Variants in PTPRE observed in about 807,000 individuals in gnomAD.
PTPRE encodes the protein receptor-type tyrosine-protein phosphatase epsilon.
In PTPRE, 51 loss-of-function variants were observed where a neutral mutation model predicts 102.0. The ratio of observed to expected loss-of-function variants is 0.50; its 90% confidence interval spans 0.40 to 0.63. The LOEUF (loss-of-function observed/expected upper bound fraction) is 0.63, where lower values mean the gene tolerates loss of function less well. PTPRE is among the 30% of genes least tolerant of loss of function. PTPRE has a pLI of 0.00. For missense variants in PTPRE, 752 were observed against 915.1 expected, an observed-to-expected ratio of 0.82 and a Z score of 2.30; for synonymous variants, 345 against 348.2, an observed-to-expected ratio of 0.99 and a Z score of 0.10.
intron 3 of PTPRE, among the ~76,000 whole-genome samples, chr10:128,046,836 A>C (rs1564922730): frequency 6.6e-6 from 1 of 152,162 alleles, no homozygotes; most frequent in South Asian, 2.1e-4. Flanking sequence ...AGGACACAGT[A>C]AGAGGCCGGT....
At chr10:128,066,000 T>A in intron 10 of PTPRE, 75 bp from the exon 11 acceptor site, 1 of 1,606,004 alleles carries the variant, frequency 6.2e-7, no homozygotes, top group Non-Finnish European at 8.5e-7. Context: ...TGAGGCCTTC[T>A]GTAGTTGGGT....
chr10:128,060,070 A>G (rs1395184008), intron 7 of PTPRE, among the ~76,000 whole-genome samples: 1 of 116,554 alleles, frequency 8.6e-6, no homozygotes, highest in Non-Finnish European at 1.7e-5. Flanking sequence ...CACCACACAC[A>G]TACCACACAC....
chr10:128,047,421 G>A lies in PTPRE; in HGVS notation c.141G>A (p.Leu47=). Residue 47 remains leucine (L), a synonymous_variant, in exon 4 of 21, where the codon CTG becomes CTA. Transcript: ENST00000254667. ...CGGACCCGGGCGCCTCCCAGCCGCT[G>A]CTGGCCTGGCTGCTACTGCCGCTGC... ...GPPDPGASQP[L]LAWLLLPLLL... The A allele has an allele frequency of 6.2e-7, 1 of 1,613,038 alleles. No homozygotes were observed. The highest frequency in any genetic ancestry group is 1.1e-5 in the South Asian group (1 of 91,052).
chr10:128,010,561 CT>C (rs777318447), intron 2 of PTPRE, among the ~76,000 whole-genome samples: 1 of 140,174 alleles, frequency 7.1e-6, no homozygotes, highest in Non-Finnish European at 1.5e-5. Context: ...CTTTTCTTTT[CT>C]TTTCTTTTCT....
At chr10:128,067,072 AC>A (rs1422301507) in intron 11 of PTPRE, among the ~76,000 whole-genome samples, 1 of 151,344 alleles carries the variant, frequency 6.6e-6, no homozygotes, top group African/African-American at 2.4e-5. Flanking sequence ...GCACACGTAC[AC>A]CCACACACAG....
chr10:128,061,610 G>A, intron 8 of PTPRE, 69 bp from the exon 9 acceptor site: 3 of 1,528,828 alleles, frequency 2.0e-6, no homozygotes, highest in South Asian at 1.2e-5. Context: ...TTTCCTAACA[G>A]CAACACCAAC....
chr10:128,056,227 T>G lies in PTPRE; in HGVS notation c.511+14T>G, dbSNP rs1848949608. 1.3e-6 allele frequency: 2 copies of G among 1,584,156 alleles called. No individual in the cohort carries two copies. Among genetic ancestry groups the G allele is most frequent in the African/African-American group, 2.7e-5 (2 of 74,256 alleles). On this transcript the variant is annotated intron_variant, in intron 7 of 20. Coordinates refer to ENST00000254667, the MANE Select transcript of PTPRE (RefSeq NM_006504.6). ...ACATCCTTCCCAGTAAGATTTTATT[T>G]TATGTTTTGCATGATCAATGGTGTT...
Position 128,051,621 on chromosome 10 carries a change from C to T in PTPRE, c.420+1955C>T, listed in dbSNP as rs1224241316. Among the ~76,000 whole-genome samples, 4 of 152,316 alleles carry T rather than the reference C, an allele frequency of 2.6e-5. No homozygotes were observed. The South Asian group carries it at 6.2e-4, about 24-fold the overall frequency. ...TTTGGACTTTTAAAAATATTGCATTCGAATATTATTTCCCCTGGTTTCTGA... is the reference window on the plus strand; with the variant it reads ...TTTGGACTTTTAAAAATATTGCATTTGAATATTATTTCCCCTGGTTTCTGA... On this transcript the variant is annotated intron_variant, in intron 6 of 20. Coordinates refer to ENST00000254667, the MANE Select transcript of PTPRE (RefSeq NM_006504.6).
At chr10:127,941,465 C>T (rs1002463682) in intron 1 of PTPRE, among the ~76,000 whole-genome samples, 1 of 152,244 alleles carries the variant, frequency 6.6e-6, no homozygotes, top group Non-Finnish European at 1.5e-5. Context: ...ATCCCGGCCA[C>T]AGGGGTGCCC....
chr10:128,014,381 C>T (rs1845259497), intron 2 of PTPRE, among the ~76,000 whole-genome samples: 1 of 152,184 alleles, frequency 6.6e-6, no homozygotes, highest in African/African-American at 2.4e-5. Flanking sequence ...GCCCAATTAA[C>T]ATTCTTCAGA....
chr10:128,038,894 G>A (rs1590098909), intron 2 of PTPRE, among the ~76,000 whole-genome samples: 1 of 152,248 alleles, frequency 6.6e-6, no homozygotes, highest in Non-Finnish European at 1.5e-5. Flanking sequence ...CCCATTGCTG[G>A]TCATGTCAGG....
chr10:127,966,109 C>T (rs954030579), intron 1 of PTPRE, among the ~76,000 whole-genome samples: 2 of 152,150 alleles, frequency 1.3e-5, no homozygotes, highest in East Asian at 3.9e-4. Context: ...TCAGGGCAAC[C>T]CTAAAGAGAG....
At chr10:128,059,541 A>G (rs1346251071) in intron 7 of PTPRE, among the ~76,000 whole-genome samples, 9 of 152,196 alleles carry the variant, frequency 5.9e-5, no homozygotes, top group Admixed American at 5.2e-4. Flanking sequence ...CTAAGCAGAG[A>G]AAGCAGGGAG....
chr10:127,993,786 T>TGC lies in PTPRE; in HGVS notation c.-8+11492_-8+11493dup, dbSNP rs1554912259. On this transcript the variant is annotated intron_variant, in intron 2 of 20. Coordinates refer to ENST00000254667, the MANE Select transcript of PTPRE (RefSeq NM_006504.6). Reference sequence around the variant, plus strand: ...TCATAGTGGTGTGTGTGTGTGTGTGTGCGTGTGTGTGTGTGACCTTCTATT... The same window carrying TGC: ...TCATAGTGGTGTGTGTGTGTGTGTGTGCGCGTGTGTGTGTGTGACCTTCTATT... 9.9e-5 allele frequency among the ~76,000 whole-genome samples: 15 copies of TGC among 151,764 alleles called. No homozygotes were observed. The East Asian group carries it at 2.1e-3, about 22-fold the overall frequency.
chr10:127,909,771 A>T (rs1278574681), intron 1 of PTPRE, among the ~76,000 whole-genome samples: 1 of 152,198 alleles, frequency 6.6e-6, no homozygotes, highest in African/African-American at 2.4e-5. Flanking sequence ...AACAACTTGG[A>T]AGTGAGACCT....
chr10:128,010,513 T>C (rs2135603981), intron 2 of PTPRE, among the ~76,000 whole-genome samples: 1 of 151,654 alleles, frequency 6.6e-6, no homozygotes, highest in Admixed American at 6.6e-5. Flanking sequence ...CTCTCAACTT[T>C]AGATCCCCAG....
intron 5 of PTPRE, 146 bp downstream of exon 5, chr10:128,047,983 T>C (rs905549161): frequency 1.3e-6 from 1 of 781,036 alleles, no homozygotes; most frequent in African/African-American, 1.8e-5. Flanking sequence ...TATGATGCTG[T>C]CATTTAGAAT....
intron 1 of PTPRE, among the ~76,000 whole-genome samples, chr10:127,931,329 CTGA>C (rs1339794256): frequency 3.9e-5 from 6 of 152,110 alleles, no homozygotes; most frequent in African/African-American, 1.4e-4. Flanking sequence ...AAGCATTATT[CTGA>C]TGATATTTCC....
intron 1 of PTPRE, among the ~76,000 whole-genome samples, chr10:127,920,599 T>C (rs959850788): frequency 3.9e-5 from 6 of 152,330 alleles, no homozygotes; most frequent in Middle Eastern, 6.8e-3. Flanking sequence ...CCTTCTTCTT[T>C]CGTGGACTTC....
Sources: gnomAD v4.1 joint callset for allele counts (sites outside exome capture counted in the v4.1 genomes callset) on GRCh38, gnomAD v4.1.1 for gene constraint, MANE v1.5 for transcripts, NCBI Gene and HGNC (gene_info 2026-07-23, HGNC 2026-07-21) for gene names.